Variants in PRX observed in about 807,000 individuals in gnomAD.
PRX encodes periaxin.
Under a neutral mutation model 29.6 loss-of-function variants are expected in PRX, and 24 were observed. That is an observed-to-expected ratio of 0.81 (90% CI 0.59 to 1.14). PRX has a LOEUF of 1.14. PRX is among the 50% of genes most tolerant of loss of function. PRX has a pLI of 0.00. For synonymous variants in PRX, 772 were observed against 831.7 expected, an observed-to-expected ratio of 0.93 and a Z score of 1.24; for missense variants, 1,838 against 1,926.4, an observed-to-expected ratio of 0.95 and a Z score of 0.86.
chr19:40,408,942 C>T (rs1296473266), intron 1 of PRX, among the ~76,000 whole-genome samples: 2 of 151,756 alleles, frequency 1.3e-5, no homozygotes, highest in Admixed American at 6.6e-5. Context: ...GTGATTCTCC[C>T]GCCTCAGCCT....
chr19:40,396,877 G>A lies in PRX; in HGVS notation c.1475C>T (p.Pro492Leu), dbSNP rs1214155270. The A allele has an allele frequency of 1.2e-6, 2 of 1,614,182 alleles. No homozygotes were observed. The highest frequency in any genetic ancestry group is 1.6e-4 in the Middle Eastern group (1 of 6,062). ...PEMAVPEVRL[P>L]EVELPKVSEM... Reference sequence around the variant, plus strand: ...TGACACTTTGGGCAGCTCTACCTCTGGAAGCCGCACCTCCGGCACAGCCAT... The same window carrying A: ...TGACACTTTGGGCAGCTCTACCTCTAGAAGCCGCACCTCCGGCACAGCCAT... The change falls in exon 7 of 7, where the codon CCA becomes CTA. Residue 492 changes from proline (P) to leucine (L), a missense_variant. Coordinates refer to ENST00000324001, the MANE Select transcript of PRX (RefSeq NM_181882.3).
At chr19:40,404,226 G>T (rs1287194359) in intron 4 of PRX, among the ~76,000 whole-genome samples, 1 of 152,220 alleles carries the variant, frequency 6.6e-6, no homozygotes, top group Non-Finnish European at 1.5e-5. Context: ...TGGCTTTCTA[G>T]GACCCGCGGA....
At chr19:40,414,501 C>A (rs1245407090), upstream of PRX, among the ~76,000 whole-genome samples, 1 of 152,160 alleles carries the variant, frequency 6.6e-6, no homozygotes, top group African/African-American at 2.4e-5. Context: ...CACAAAAACC[C>A]TGCTACACTC....
intron 4 of PRX, among the ~76,000 whole-genome samples, chr19:40,407,022 C>A (rs1329357394): frequency 6.6e-6 from 1 of 152,052 alleles, no homozygotes; most frequent in African/African-American, 2.4e-5. Context: ...GATCCGCCCG[C>A]CTTGGCCTCC....
Position 40,407,775 on chromosome 19 carries a change from C to T in PRX, c.27+131G>A, listed in dbSNP as rs536354027. ...TCCTCACAGTGACCCATAAAATAGA[C>T]CCTGTTATTATTTCCATTTCACAGA... On this transcript the variant is annotated intron_variant, in intron 4 of 6. Coordinates refer to ENST00000324001, the MANE Select transcript of PRX (RefSeq NM_181882.3). 89 of 1,300,120 alleles carry T rather than the reference C, an allele frequency of 6.8e-5. No homozygotes were observed. The African/African-American group carries it at 1.2e-3, about 18-fold the overall frequency. The allele number at this position is 1,300,120 out of a possible 1,614,324, so 80.5% of individuals were successfully genotyped here. A position where few individuals can be genotyped will look rare whatever the true frequency, so the allele number is the denominator to read the frequency against.
At chr19:40,403,641 C>A in intron 5 of PRX, 65 bp downstream of exon 5, 2 of 1,494,766 alleles carry the variant, frequency 1.3e-6, no homozygotes, top group Non-Finnish European at 1.8e-6. Context: ...TCTCTTTGGA[C>A]CCAAGGCAGA....
intron 4 of PRX, among the ~76,000 whole-genome samples, chr19:40,407,212 T>TGTGTG (rs2079535328): frequency 3.0e-5 from 4 of 133,844 alleles, no homozygotes; most frequent in African/African-American, 1.1e-4. Flanking sequence ...TTATATGCCC[T>TGTGTG]TGTGTGTGTG....
chr19:40,403,783 C>G lies in PRX; in HGVS notation c.107G>C (p.Gly36Ala), dbSNP rs774922688. 6.2e-7 allele frequency: 1 copy of G among 1,605,558 alleles called. No individual in the cohort carries two copies. The highest frequency in any genetic ancestry group is 1.1e-5 in the South Asian group (1 of 89,722). Residue 36 changes from glycine (G) to alanine (A), a missense_variant, in exon 5 of 7, where the codon GGC becomes GCC. Transcript: ENST00000324001. The part of the protein sequence containing the change: ...QTGVSGINVA[G>A]GGKEGIFVRE... ...AACGAAGATTCCCTCTTTGCCGCCG[C>G]CCGCTACGTTGATGCCGCTGACCCC...
chr19:40,395,770 A>G lies in PRX; in HGVS notation c.2582T>C (p.Leu861Pro), dbSNP rs1192034174. The change falls in exon 7 of 7, where the codon CTG (leucine) becomes CCG (proline). Residue 861 changes from leucine (L) to proline (P), a missense_variant. By Grantham distance (98) the Leu-to-Pro change is moderately conservative. This residue lies in a region of PRX where 1,143 missense variants were observed against 1,193.0 expected (regional missense o/e 0.96). Transcript: ENST00000324001. ...SLTLPSVELD[L>P]PGALGLQGQV... ...CCCCTGCAGGCCAAGTGCTCCTGGCAGGTCTAGCTCCACTGAAGGCAGAGT... is the reference window on the plus strand; with the variant it reads ...CCCCTGCAGGCCAAGTGCTCCTGGCGGGTCTAGCTCCACTGAAGGCAGAGT... The G allele has an allele frequency of 3.7e-6, 6 of 1,613,824 alleles. No individual in the cohort carries two copies. Among genetic ancestry groups the G allele is most frequent in the Non-Finnish European group, 4.2e-6 (5 of 1,180,028 alleles).
chr19:40,394,978 C>T lies in PRX; in HGVS notation c.3374G>A (p.Gly1125Asp). Reference protein sequence around the residue: ...AVAVSGMQLSGLKVSTAGQVV... With the variant: ...AVAVSGMQLSDLKVSTAGQVV... ...CTGCCCGGCTGTGGACACCTTCAGG[C>T]CTGACAGCTGCATTCCACTGACGGC... is the stretch of plus-strand genomic sequence containing the variant. Residue 1125 changes from glycine to aspartate, a missense_variant, in exon 7 of 7, where the codon GGC (glycine) becomes GAC (aspartate). Gly to Asp is a moderately conservative substitution (Grantham distance 94). Coordinates refer to ENST00000324001, the MANE Select transcript of PRX (RefSeq NM_181882.3). The surrounding 1 kb of genome is among the most constrained non-coding windows in gnomAD (Gnocchi z 5.8). 6.2e-7 allele frequency: 1 copy of T among 1,608,712 alleles called. No individual in the cohort carries two copies. Among genetic ancestry groups the T allele is most frequent in the Non-Finnish European group, 8.5e-7 (1 of 1,179,604 alleles).
chr19:40,393,814 T>C lies in PRX; in HGVS notation c.*152A>G, dbSNP rs886054435. The C allele has an allele frequency of 2.3e-5, 28 of 1,194,310 alleles. No homozygotes were observed. Among genetic ancestry groups the C allele is most frequent in the Non-Finnish European group, 3.1e-5 (26 of 841,800 alleles). 74.0% of individuals were successfully genotyped at this position (1,194,310 alleles called of 1,614,324 possible). Reference sequence around the variant, plus strand: ...ACATGGCTTGGTGGGGTACAGGCACTCCTGCCAGAGAGACAGGAGCAGGCC... The same window carrying C: ...ACATGGCTTGGTGGGGTACAGGCACCCCTGCCAGAGAGACAGGAGCAGGCC... On this transcript the variant is annotated 3_prime_UTR_variant, in exon 7 of 7. Coordinates refer to ENST00000324001, the MANE Select transcript of PRX (RefSeq NM_181882.3).
At chr19:40,409,691 G>A (rs998189317) in intron 1 of PRX, among the ~76,000 whole-genome samples, 2 of 151,602 alleles carry the variant, frequency 1.3e-5, no homozygotes, top group African/African-American at 4.9e-5. Context: ...AGGCTGGTCT[G>A]GAACTCCTGA....
rs137930942 is a variant in PRX, at chr19:40,397,239, T to C, written c.1113A>G (p.Glu371=). The change falls in exon 7 of 7, where the codon GAA becomes GAG. Residue 371 remains glutamate (E), a synonymous_variant. Coordinates refer to ENST00000324001, the MANE Select transcript of PRX (RefSeq NM_181882.3). ...CCTTGGCTACCTTGGCCTCAGCAAC[T>C]TCCTTTGCTCGAGCCCCAAATCGGG... The part of the protein sequence containing the change: ...SFPRFGARAK[E]VAEAKVAKVS... 2.3e-5 allele frequency: 37 copies of C among 1,613,686 alleles called. No homozygotes were observed. The highest frequency in any genetic ancestry group is 2.6e-5 in the Non-Finnish European group (31 of 1,180,020).
At chr19:40,414,778 T>G (rs2079573773), upstream of PRX, among the ~76,000 whole-genome samples, 4 of 152,160 alleles carry the variant, frequency 2.6e-5, no homozygotes, top group South Asian at 4.1e-4. Context: ...CCTCGGAAGC[T>G]CGTCGCTCTC....
chr19:40,400,224 TG>T (rs1555801809), intron 5 of PRX, among the ~76,000 whole-genome samples: 1 of 143,582 alleles, frequency 7.0e-6, no homozygotes, highest in Non-Finnish European at 1.5e-5. Context: ...TCAGGTGATC[TG>T]CCCGCCTTGG....
Position 40,397,292 on chromosome 19 carries a change from C to G in PRX, c.1060G>C (p.Ala354Pro), listed in dbSNP as rs267605486. 5 of 1,613,444 alleles carry G rather than the reference C, an allele frequency of 3.1e-6. No homozygotes were observed. The highest frequency in any genetic ancestry group is 3.4e-6 in the Non-Finnish European group (4 of 1,180,014). ...VEARGEAPEV[A>P]LKMPRLSFPR... ...AAACTAAGGCGGGGCATCTTCAGGG[C>G]CACCTCAGGTGCCTCTCCCCGGGCC... Residue 354 changes from alanine (A) to proline (P), a missense_variant, in exon 7 of 7, where the codon GCC becomes CCC. Ala to Pro is a conservative substitution (Grantham distance 27). Transcript: ENST00000324001.
chr19:40,393,987 C>T lies in PRX; in HGVS notation c.4365G>A (p.Gly1455=), dbSNP rs2079402966. Residue 1455 remains glycine, a synonymous_variant, in exon 7 of 7, where the codon GGG becomes GGA. Coordinates refer to ENST00000324001, the MANE Select transcript of PRX (RefSeq NM_181882.3). ...GGCTTCAGACAGCCGCAGCCTGAGC[C>T]CCCTCCATCCTGGCCGGGCCTGGAG... The part of the protein sequence containing the change: ...TGAPGPARME[G]AQAAAV 6.2e-7 allele frequency: 1 copy of T among 1,613,204 alleles called. No homozygotes were observed. The highest frequency in any genetic ancestry group is 8.5e-7 in the Non-Finnish European group (1 of 1,179,864).
rs771657002 is a variant in PRX at position 40,394,616 on chromosome 19, T to G, written c.3736A>C (p.Lys1246Gln). ...AATGEGGLRL[K>Q]LPTLGARARV... Reference sequence around the variant, plus strand: ...GCTCTGGCCCCCAGTGTGGGCAACTTCAGCCTCAGCCCACCCTCGCCTGTG... The same window carrying G: ...GCTCTGGCCCCCAGTGTGGGCAACTGCAGCCTCAGCCCACCCTCGCCTGTG... Residue 1246 changes from lysine (K) to glutamine (Q), a missense_variant, in exon 7 of 7, where the codon AAG (lysine) becomes CAG (glutamine). Physicochemically the swap from Lys to Gln is moderately conservative, Grantham distance 53. Around this residue, in one of 3 missense-constraint regions of PRX, gnomAD observed 1,143 missense variants for 1,193.0 expected, o/e 0.96. Coordinates refer to ENST00000324001, the MANE Select transcript of PRX (RefSeq NM_181882.3). The surrounding 1 kb of genome is among the most constrained non-coding windows in gnomAD (Gnocchi z 5.8). 5 of 1,607,526 alleles carry G rather than the reference T, an allele frequency of 3.1e-6. No homozygotes were observed. The highest frequency in any genetic ancestry group is 4.2e-6 in the Non-Finnish European group (5 of 1,179,352).
intron 4 of PRX, chr19:40,407,373 T>C (rs116300729): frequency 0.011 from 1,778 of 167,166 alleles, 37 homozygotes; most frequent in African/African-American, 0.04. Context: ...TTCAATCATA[T>C]CTCACTGCAA....
Sources: allele counts gnomAD v4.1 joint callset (sites outside exome capture counted in the v4.1 genomes callset), GRCh38; gene constraint gnomAD v4.1.1; regional missense constraint gnomAD v4.1.1; non-coding constraint Gnocchi (gnomAD v3.1); transcripts MANE v1.5; gene names NCBI Gene and HGNC (gene_info 2026-07-23, HGNC 2026-07-21).